The following LCORL variants were observed in gnomAD, a reference collection of about 807,000 sequenced individuals.
LCORL encodes ligand dependent nuclear receptor corepressor like.
A neutral mutation model predicts 141.8 loss-of-function variants in LCORL; 41 were observed. The ratio of observed to expected loss-of-function variants is 0.29; its 90% CI spans 0.23 to 0.38. The LOEUF (loss-of-function observed/expected upper bound fraction) is 0.38, where lower values mean the gene tolerates loss of function less well. Among genes scored for constraint, LCORL ranks in the 10% least tolerant of loss-of-function variants. LCORL has a pLI of 1.00. For synonymous variants in LCORL, 618 were observed against 694.1 expected (o/e 0.89, Z 1.72); for missense variants, 1,759 against 2,035.0 (o/e 0.86, Z 2.61).
At chr4:17,933,996 T>C (rs569783397) in intron 4 of LCORL, among the ~76,000 whole-genome samples, 1 of 152,200 alleles carries the variant, frequency 6.6e-6, no homozygotes, top group East Asian at 1.9e-4. Flanking sequence ...TTAGAAATGG[T>C]ACCTTGCCAA....
At chr4:17,977,600 T>C (rs1034101636) in intron 1 of LCORL, among the ~76,000 whole-genome samples, 3 of 152,224 alleles carry the variant, frequency 2.0e-5, no homozygotes, top group Non-Finnish European at 4.4e-5. Flanking sequence ...AACTGGGTTG[T>C]CAGACATTTT....
chr4:17,860,365 C>T (rs1257775933), intron 7 of LCORL, among the ~76,000 whole-genome samples: 2 of 152,170 alleles, frequency 1.3e-5, no homozygotes, highest in East Asian at 1.9e-4. Flanking sequence ...AGGCATGTCT[C>T]ACATGGTGGC....
At chr4:18,012,990 G>T (rs907744754) in intron 1 of LCORL, among the ~76,000 whole-genome samples, 1 of 152,052 alleles carries the variant, frequency 6.6e-6, no homozygotes, top group African/African-American at 2.4e-5. Flanking sequence ...ATCTCCACTT[G>T]CACATATCTT....
intron 1 of LCORL, among the ~76,000 whole-genome samples, chr4:18,005,005 C>T (rs918674368): frequency 3.3e-5 from 5 of 152,032 alleles, no homozygotes; most frequent in Admixed American, 3.3e-4. Flanking sequence ...GCAACCTCCA[C>T]CTCCTGGGTT....
chr4:17,925,396 C>A (rs1312132403), intron 4 of LCORL, among the ~76,000 whole-genome samples: 1 of 152,152 alleles, frequency 6.6e-6, no homozygotes, highest in Non-Finnish European at 1.5e-5. Context: ...GGCCCAGACC[C>A]TTTGGGAATG....
intron 4 of LCORL, chr4:17,960,143 A>G (rs1713488498): frequency 6.5e-6 from 1 of 154,256 alleles, no homozygotes; most frequent in Non-Finnish European, 1.5e-5. Flanking sequence ...AGAAATTAAC[A>G]AAGGCCTAAA....
Position 18,021,038 on chromosome 4 carries a change from G to T in LCORL, c.154+560C>A, listed in dbSNP as rs945781575. Among the ~76,000 whole-genome samples the T allele has an allele frequency of 2.0e-5, 3 of 151,896 alleles. No homozygotes were observed. Among genetic ancestry groups the T allele is most frequent in the Admixed American group, 1.3e-4 (2 of 15,270 alleles). ...ACGCCCCCGCCGCCCCTCGCCCCCA[G>T]CCGGCCCATCAGCGGCCCCCGCCCT... On this transcript the variant is annotated intron_variant, in intron 1 of 7. Coordinates refer to ENST00000635767, the Ensembl canonical transcript of LCORL. The surrounding 1 kb of genome is among the most constrained non-coding windows in gnomAD (Gnocchi z 5.5).
intron 5 of LCORL, among the ~76,000 whole-genome samples, chr4:17,904,732 T>C (rs568672726): frequency 6.6e-6 from 1 of 152,188 alleles, no homozygotes; most frequent in Non-Finnish European, 1.5e-5. Context: ...CTTACTGATC[T>C]GTCCTACTTA....
intron 4 of LCORL, among the ~76,000 whole-genome samples, chr4:17,930,407 A>G (rs1735830460): frequency 6.6e-6 from 1 of 152,238 alleles, no homozygotes. Context: ...ACAGTGTTAA[A>G]TAGTAGAAGA....
At chr4:17,966,077 A>C (rs1292621561) in intron 2 of LCORL, among the ~76,000 whole-genome samples, 1 of 152,140 alleles carries the variant, frequency 6.6e-6, no homozygotes, top group Non-Finnish European at 1.5e-5. Context: ...TCATTATGGA[A>C]TTACATATTA....
intron 4 of LCORL, among the ~76,000 whole-genome samples, chr4:17,929,494 T>C (rs1303476281): frequency 6.6e-6 from 1 of 151,974 alleles, no homozygotes; most frequent in African/African-American, 2.4e-5. Flanking sequence ...TTTTGATGAG[T>C]ACTAAAACAA....
At position 17,934,198 on chromosome 4, in the gene LCORL, T is replaced by G. The variant is rs187098226; in HGVS notation, c.431-24853A>C. Among the ~76,000 whole-genome samples the G allele has an allele frequency of 3.6e-3, 553 of 152,182 alleles. 4 individuals are homozygous for G. The highest frequency in any genetic ancestry group is 0.012 in the African/African-American group (501 of 41,570). The stretch of plus-strand genomic sequence containing the variant: ...ACAAAACTGTACAACATACACAAAC[T>G]GATTCTGATGTAAACTATGAACTTC... On this transcript the variant is annotated intron_variant, in intron 4 of 7. Coordinates refer to ENST00000635767, the Ensembl canonical transcript of LCORL.
At chr4:17,857,773 A>G (rs1406486014) in intron 7 of LCORL, among the ~76,000 whole-genome samples, 3 of 152,246 alleles carry the variant, frequency 2.0e-5, no homozygotes, top group Non-Finnish European at 4.4e-5. Context: ...CTGAGACAAA[A>G]TCATCCCTGG....
intron 4 of LCORL, among the ~76,000 whole-genome samples, chr4:17,944,302 C>T (rs1296983218): frequency 2.0e-5 from 3 of 152,128 alleles, no homozygotes; most frequent in African/African-American, 7.2e-5. Context: ...CTTACTCATT[C>T]AATCTTCTAC....
rs1256358638 is a variant in LCORL at position 18,004,931 on chromosome 4, T to TC, written c.154+16666_154+16667insG. On this transcript the variant is annotated intron_variant, in intron 1 of 7. Transcript: ENST00000635767. Reference sequence around the variant, plus strand: ...AATCCAGCAGGGCAGTCAAAGCTTTTTTTTTTTTTAGATGGAGTTCCACTC... The same window carrying TC: ...AATCCAGCAGGGCAGTCAAAGCTTTTCTTTTTTTTTAGATGGAGTTCCACTC... Among the ~76,000 whole-genome samples the TC allele has an allele frequency of 2.0e-5, 3 of 152,114 alleles. No individual in the cohort carries two copies. The South Asian group carries it at 6.2e-4, about 32-fold the overall frequency.
Position 17,926,197 on chromosome 4 carries a change from T to C in LCORL, c.431-16852A>G, listed in dbSNP as rs116870149. ...GTGATGGTTAATACTGAGTGTCAACTTGATGAGATTGAAGGATGCAAAGTA... is the reference window on the plus strand; with the variant it reads ...GTGATGGTTAATACTGAGTGTCAACCTGATGAGATTGAAGGATGCAAAGTA... On this transcript the variant is annotated intron_variant, in intron 4 of 7. Transcript: ENST00000635767. Among the ~76,000 whole-genome samples the C allele has an allele frequency of 8.8e-3, 1,335 of 152,238 alleles. 62 individuals carry two copies. The East Asian group carries it at 0.13, about 15-fold the overall frequency.
At chr4:17,855,182 T>C (rs1262429456) in intron 7 of LCORL, among the ~76,000 whole-genome samples, 1 of 152,088 alleles carries the variant, frequency 6.6e-6, no homozygotes, top group East Asian at 1.9e-4. Flanking sequence ...CAGAAACTAA[T>C]GAACACTGCA....
At chr4:17,934,217 G>C (rs949436721) in intron 4 of LCORL, among the ~76,000 whole-genome samples, 1 of 151,974 alleles carries the variant, frequency 6.6e-6, no homozygotes, top group Non-Finnish European at 1.5e-5. Context: ...TGTAAACTAT[G>C]AACTTCAGTT....
Position 17,876,968 on chromosome 4 carries a change from A to C in LCORL, c.2022T>G (p.Pro674=), listed in dbSNP as rs78994908. 10,655 of 1,230,660 alleles carry C rather than the reference A, an allele frequency of 8.7e-3. 446 individuals are homozygous for C. In the East Asian group the frequency reaches 0.16, roughly 18 times the overall value. The allele number at this position is 1,230,660 out of a possible 1,614,324, so 76.2% of individuals were successfully genotyped here. Reference sequence around the variant, plus strand: ...GAAGTCTTTTAGAATTTTGTAAAGAAGGCCCTTGGTCATGATAGAATTCTC... The same window carrying C: ...GAAGTCTTTTAGAATTTTGTAAAGACGGCCCTTGGTCATGATAGAATTCTC... The change falls in exon 7 of 8, where the codon CCT becomes CCG. Residue 674 remains proline (P), a synonymous_variant. Coordinates refer to ENST00000635767, the Ensembl canonical transcript of LCORL.
Sources: gnomAD v4.1 joint callset for allele counts (sites outside exome capture counted in the v4.1 genomes callset) on GRCh38, gnomAD v4.1.1 for gene constraint, Gnocchi (gnomAD v3.1) non-coding constraint, MANE v1.5 for transcripts, NCBI Gene and HGNC (gene_info 2026-07-23, HGNC 2026-07-21) for gene names.